MLIP: variants seen among roughly 807,000 people sequenced by gnomAD.
The protein encoded by MLIP is muscular LMNA-interacting protein.
In MLIP, 79 loss-of-function variants were observed where a neutral mutation model predicts 84.8. The ratio of observed to expected loss-of-function variants is 0.93; its 90% CI spans 0.78 to 1.12. MLIP has a LOEUF of 1.12. MLIP is among the 50% of genes most tolerant of loss of function. The probability of loss-of-function intolerance (pLI) is 0.00; values close to 1 mark genes in which losing one functional copy is unlikely to be tolerated. For missense variants in MLIP, 1,257 were observed against 1,160.6 expected, an observed-to-expected ratio of 1.08 and a Z score of -1.21; for synonymous variants, 504 against 463.0, an observed-to-expected ratio of 1.09 and a Z score of -1.14.
intron 12 of MLIP, among the ~76,000 whole-genome samples, chr6:54,231,877 C>A (rs1363690833): frequency 2.0e-5 from 3 of 152,072 alleles, no homozygotes; most frequent in African/African-American, 7.2e-5. Flanking sequence ...TAAACCCTGT[C>A]TAAATGCAAA....
intron 5 of MLIP, among the ~76,000 whole-genome samples, chr6:54,157,053 T>C (rs1466000363): frequency 6.6e-6 from 1 of 151,998 alleles, no homozygotes; most frequent in Non-Finnish European, 1.5e-5. Flanking sequence ...TCACATGTAG[T>C]TCAAAAGATC....
At chr6:54,104,719 T>A (rs995875831) in intron 1 of MLIP, among the ~76,000 whole-genome samples, 1 of 152,106 alleles carries the variant, frequency 6.6e-6, no homozygotes, top group Non-Finnish European at 1.5e-5. Context: ...AACTCCCTTT[T>A]TTTTCCCCCA....
chr6:54,023,231 T>C (rs1000637522), intron 1 of MLIP, among the ~76,000 whole-genome samples: 1 of 151,590 alleles, frequency 6.6e-6, no homozygotes, highest in Admixed American at 6.6e-5. Context: ...CAACTTATTT[T>C]ATATTGAGAC....
At chr6:54,205,483 C>A (rs1244223977) in intron 11 of MLIP, among the ~76,000 whole-genome samples, 1 of 152,192 alleles carries the variant, frequency 6.6e-6, no homozygotes, top group Non-Finnish European at 1.5e-5. Flanking sequence ...ATAAATTTTT[C>A]CTAGCAGCTT....
chr6:54,061,091 TTG>T, intron 1 of MLIP, among the ~76,000 whole-genome samples: 2 of 150,842 alleles, frequency 1.3e-5, no homozygotes, highest in East Asian at 2.0e-4. Context: ...TCCAAAGGGG[TTG>T]AGATATCTAG....
At chr6:54,248,526 T>G (rs900184335) in intron 12 of MLIP, among the ~76,000 whole-genome samples, 2 of 152,110 alleles carry the variant, frequency 1.3e-5, no homozygotes, top group African/African-American at 4.8e-5. Context: ...CAACTCTAGA[T>G]GAAAAATGTA....
At chr6:54,255,529 C>T (rs909159313) in intron 12 of MLIP, among the ~76,000 whole-genome samples, 15 of 152,050 alleles carry the variant, frequency 9.9e-5, no homozygotes, top group Non-Finnish European at 1.0e-4. Context: ...AGATCATAAA[C>T]AGAAGAAAGC....
intron 12 of MLIP, among the ~76,000 whole-genome samples, chr6:54,236,371 C>A (rs9474768): frequency 4.6e-5 from 7 of 152,164 alleles, no homozygotes; most frequent in African/African-American, 1.2e-4. Flanking sequence ...GAGGCCAAGG[C>A]GGCTGGATCA....
chr6:54,124,509 A>G lies in MLIP; in HGVS notation c.289A>G (p.Ser97Gly), dbSNP rs1203730904. 5.0e-6 allele frequency: 8 copies of G among 1,613,984 alleles called. No homozygotes were observed. Among genetic ancestry groups the G allele is most frequent in the Non-Finnish European group, 6.8e-6 (8 of 1,179,988 alleles). Residue 97 changes from serine to glycine, a missense_variant, in exon 3 of 14, where the codon AGC becomes GGC. Transcript: ENST00000502396. ...SNDYLTLNAG[S>G]QQERDQAKLT... ...TGACTACTTGACCTTGAATGCTGGG[A>G]GCCAACAAGAGAGAGACCAAGCGAA...
intron 12 of MLIP, among the ~76,000 whole-genome samples, chr6:54,256,348 G>A (rs1783004161): frequency 6.6e-6 from 1 of 152,118 alleles, no homozygotes; most frequent in African/African-American, 2.4e-5. Context: ...CCTTCAAATT[G>A]CTCTGGGGGT....
Position 54,229,382 on chromosome 6 carries a change from T to G in MLIP, c.2719-1332T>G, listed in dbSNP as rs543692302. Among the ~76,000 whole-genome samples, 8 of 152,344 alleles carry G rather than the reference T, an allele frequency of 5.3e-5. No individual in the cohort carries two copies. In the East Asian group the frequency reaches 1.5e-3, roughly 29 times the overall value. ...TTTTATTTTTTCTTCAACTTTTAAGTTCCAGGGTATATGTGCAGGATGTCT... is the reference window on the plus strand; with the variant it reads ...TTTTATTTTTTCTTCAACTTTTAAGGTCCAGGGTATATGTGCAGGATGTCT... On this transcript the variant is annotated intron_variant, in intron 11 of 13. Transcript: ENST00000502396.
chr6:54,062,139 C>T (rs1021678204), intron 1 of MLIP, among the ~76,000 whole-genome samples: 5 of 152,068 alleles, frequency 3.3e-5, no homozygotes, highest in South Asian at 2.1e-4. Context: ...AGTGACAGTG[C>T]GAAGAGGGAT....
chr6:54,148,803 C>T lies in MLIP; in HGVS notation c.2218-253C>T, dbSNP rs568540985. Among the ~76,000 whole-genome samples, 9 of 152,228 alleles carry T rather than the reference C, an allele frequency of 5.9e-5. No individual in the cohort carries two copies. In the South Asian group the frequency reaches 1.9e-3, roughly 32 times the overall value. ...ACTTTGTGTAAAGGAAGTTTTTAAG[C>T]TCTGAAATGGAGTGGCATATAGTTG... is the stretch of plus-strand genomic sequence containing the variant. On this transcript the variant is annotated intron_variant, in intron 4 of 13. Coordinates refer to ENST00000502396, the MANE Select transcript of MLIP (RefSeq NM_001281747.2).
Position 54,137,739 on chromosome 6 carries a change from C to T in MLIP, c.1670C>T (p.Ser557Phe), listed in dbSNP as rs977685680. 2.0e-6 allele frequency: 3 copies of T among 1,536,006 alleles called. No homozygotes were observed. The highest frequency in any genetic ancestry group is 2.6e-6 in the Non-Finnish European group (3 of 1,146,908). ...GGTCTTCCTCCTGTTCCACCAAGCT[C>T]TTCTCTTTCCTCTTTGAAGAGTAAA... ...SVGLPPVPPS[S>F]SLSSLKSKQD... Residue 557 changes from serine (S) to phenylalanine (F), a missense_variant, in exon 4 of 14, where the codon TCT becomes TTT. By Grantham distance (155) the Ser-to-Phe change is radical. Transcript: ENST00000502396.
chr6:54,028,431 C>T (rs1301559717), intron 1 of MLIP, among the ~76,000 whole-genome samples: 1 of 152,062 alleles, frequency 6.6e-6, no homozygotes, highest in Non-Finnish European at 1.5e-5. Flanking sequence ...CTTTCCTGAA[C>T]CTGTTATAAT....
chr6:54,167,687 A>G (rs933298912), intron 8 of MLIP, among the ~76,000 whole-genome samples: 2 of 151,876 alleles, frequency 1.3e-5, no homozygotes, highest in African/African-American at 4.8e-5. Context: ...AGATGATATT[A>G]CCTTTTATAG....
At chr6:54,202,468 T>G (rs563803748) in intron 11 of MLIP, among the ~76,000 whole-genome samples, 2 of 117,840 alleles carry the variant, frequency 1.7e-5, no homozygotes, top group East Asian at 3.1e-4. Flanking sequence ...TTTTAATGTG[T>G]TTTTTTTTTT....
chr6:54,235,146 T>C (rs894736992), intron 12 of MLIP, among the ~76,000 whole-genome samples: 3 of 152,242 alleles, frequency 2.0e-5, no homozygotes, highest in East Asian at 3.8e-4. Flanking sequence ...TTATGCTTTT[T>C]CTGCTTTGTC....
intron 1 of MLIP, among the ~76,000 whole-genome samples, chr6:54,093,545 AG>A (rs1387783211): frequency 1.3e-5 from 2 of 152,160 alleles, no homozygotes; most frequent in Non-Finnish European, 2.9e-5. Context: ...AAGGTCAAAA[AG>A]CTCATTAGCT....
Sources: gnomAD v4.1 joint callset for allele counts (sites outside exome capture counted in the v4.1 genomes callset) on GRCh38, gnomAD v4.1.1 for gene constraint, MANE v1.5 for transcripts, NCBI Gene and HGNC (gene_info 2026-07-23, HGNC 2026-07-21) for gene names.